EML4: variants seen among roughly 807,000 people sequenced by gnomAD.
EML4 encodes echinoderm microtubule-associated protein-like 4.
EML4 carries 72 observed loss-of-function variants against 129.0 expected under a neutral mutation model. That is an observed-to-expected ratio of 0.56 (90% CI 0.46 to 0.68). The LOEUF (loss-of-function observed/expected upper bound fraction) is 0.68, where lower values mean the gene tolerates loss of function less well. Ranked by LOEUF, EML4 falls within the 30% of genes least tolerant of loss-of-function variation. The pLI is 0.00. For synonymous variants in EML4, 532 were observed against 405.0 expected (o/e 1.31, Z -3.77); for missense variants, 1,363 against 1,190.6 (o/e 1.14, Z -2.13).
At chr2:42,211,108 T>C (rs181234055) in intron 1 of EML4, among the ~76,000 whole-genome samples, 1 of 152,318 alleles carries the variant, frequency 6.6e-6, no homozygotes, top group Admixed American at 6.5e-5. Context: ...TAACATTGAT[T>C]GAAATACCTA....
At chr2:42,241,136 G>A (rs184045362) in intron 1 of EML4, among the ~76,000 whole-genome samples, 90 of 151,824 alleles carry the variant, frequency 5.9e-4, no homozygotes, top group Admixed American at 6.6e-5. Flanking sequence ...CAGCCTGGTC[G>A]ACAGAGTGAG....
Position 42,302,882 on chromosome 2 carries a change from C to T in EML4, c.1642-222C>T, listed in dbSNP as rs143372828. Among the ~76,000 whole-genome samples, 9 of 152,020 alleles carry T rather than the reference C, an allele frequency of 5.9e-5. No individual in the cohort carries two copies. In the East Asian group the frequency reaches 7.7e-4, roughly 13 times the overall value. On this transcript the variant is annotated intron_variant, in intron 14 of 22. Coordinates refer to ENST00000318522, the MANE Select transcript of EML4 (RefSeq NM_019063.5). ...AACTCCTAAAGTCATATAAAATATA[C>T]GTTTAAAATTAACTGAAGCAAAGAA...
intron 1 of EML4, among the ~76,000 whole-genome samples, chr2:42,203,028 C>CTAA (rs1156945685): frequency 2.6e-5 from 4 of 151,790 alleles, no homozygotes; most frequent in African/African-American, 7.3e-5. Context: ...GACCCTAACT[C>CTAA]TAATAATAAT....
In EML4 at chr2:42,330,181, CA is replaced by C. The variant is rs768907828; in HGVS notation, c.2921del (p.Gln974ArgfsTer23). The C allele has an allele frequency of 6.2e-7, 1 of 1,612,664 alleles. No individual in the cohort carries two copies. The part of the protein sequence containing the change: ...EQAKATLLED[Q>X]QDPSPSS ...GGCCAAAGCCACCCTTCTGGAGGAC[CA>C]GCAAGACCCTTCGCCCTCGTCCTAA... On this transcript the variant is annotated frameshift_variant, in exon 23 of 23. Transcript: ENST00000318522. LOFTEE classifies it high-confidence loss of function.
rs1368431136 is a variant in EML4, at chr2:42,303,125, A to C, written c.1663A>C (p.Ile555Leu). The change falls in exon 15 of 23, where the codon ATC becomes CTC. Residue 555 changes from isoleucine to leucine, a missense_variant. Ile to Leu is a conservative substitution (Grantham distance 5). Transcript: ENST00000318522. ...EIEVPDQYGT[I>L]RAVAEGKADQ... is the part of the protein sequence containing the mutation. ...CTAGGTTCCTGATCAGTATGGCACA[A>C]TCAGAGCTGTAGCAGAAGGAAAGGC... 1 of 1,614,150 alleles carries C rather than the reference A, an allele frequency of 6.2e-7. No homozygotes were observed.
At chr2:42,275,829 G>C (rs1666627386) in intron 6 of EML4, among the ~76,000 whole-genome samples, 1 of 152,040 alleles carries the variant, frequency 6.6e-6, no homozygotes, top group Non-Finnish European at 1.5e-5. Context: ...ACCTCATACT[G>C]TGTTTAACTA....
Position 42,263,311 on chromosome 2 carries a change from G to C in EML4, c.641+5G>C, listed in dbSNP as rs1665848298. ...AGTTACCAAAACTGCAGACAAGTAA[G>C]TATTGCACTTTCTTCATTATATCTG... On this transcript the variant is annotated splice_donor_5th_base_variant and intron_variant, in intron 5 of 22. Coordinates refer to ENST00000318522, the MANE Select transcript of EML4 (RefSeq NM_019063.5). 6.5e-7 allele frequency: 1 copy of C among 1,534,702 alleles called. No individual in the cohort carries two copies. Among genetic ancestry groups the C allele is most frequent in the Non-Finnish European group, 8.8e-7 (1 of 1,131,190 alleles).
intron 1 of EML4, among the ~76,000 whole-genome samples, chr2:42,211,313 G>T (rs1672873220): frequency 1.3e-5 from 2 of 152,186 alleles, no homozygotes; most frequent in Non-Finnish European, 2.9e-5. Flanking sequence ...GAAAGGAAGG[G>T]TTCTGTGTTG....
At chr2:42,230,067 A>G (rs1029581077) in intron 1 of EML4, among the ~76,000 whole-genome samples, 1 of 152,148 alleles carries the variant, frequency 6.6e-6, no homozygotes, top group Admixed American at 6.6e-5. Context: ...CTTCTAATAA[A>G]GGGGGTTCTT....
chr2:42,260,413 G>A (rs1224399515), intron 3 of EML4, among the ~76,000 whole-genome samples: 3 of 151,580 alleles, frequency 2.0e-5, no homozygotes, highest in Non-Finnish European at 4.4e-5. Flanking sequence ...GGTGATACTT[G>A]CCTCGCCCTC....
In EML4 at chr2:42,328,881, C is replaced by G. The variant is rs1398196714; in HGVS notation, c.2342-5C>G. The G allele has an allele frequency of 1.3e-6, 2 of 1,592,358 alleles. No individual in the cohort carries two copies. Among genetic ancestry groups the G allele is most frequent in the East Asian group, 2.3e-5 (1 of 44,426 alleles). The stretch of plus-strand genomic sequence containing the variant: ...TTTCTGCATCCCTGTGTTTCCATAT[C>G]AAAGGTGTCTGGCCAGAAGGATCTG... On this transcript the variant is annotated splice_region_variant and splice_polypyrimidine_tract_variant and intron_variant, in intron 21 of 22. Transcript: ENST00000318522.
At chr2:42,322,438 T>A (rs999390833) in intron 19 of EML4, among the ~76,000 whole-genome samples, 3 of 152,152 alleles carry the variant, frequency 2.0e-5, no homozygotes, top group Non-Finnish European at 4.4e-5. Flanking sequence ...ATTGAGACCT[T>A]GGTTGCTTGG....
chr2:42,299,537 T>C (rs535192030), intron 13 of EML4, among the ~76,000 whole-genome samples: 1 of 152,320 alleles, frequency 6.6e-6, no homozygotes, highest in Non-Finnish European at 1.5e-5. Context: ...AGTAGTCACT[T>C]TCTATTTCTC....
intron 1 of EML4, among the ~76,000 whole-genome samples, chr2:42,192,303 C>G (rs1671641624): frequency 6.7e-6 from 1 of 148,634 alleles, no homozygotes; most frequent in Admixed American, 6.8e-5. Context: ...GTGGCACAAT[C>G]TTGGTGCTTA....
chr2:42,295,315 T>C, intron 12 of EML4, 56 bp downstream of exon 12: 6 of 1,594,966 alleles, frequency 3.8e-6, no homozygotes, highest in Non-Finnish European at 5.1e-6. Flanking sequence ...ATTTTTTTAA[T>C]TGTTTAATAA....
At chr2:42,287,286 A>C (rs914965453) in intron 10 of EML4, among the ~76,000 whole-genome samples, 27 of 152,176 alleles carry the variant, frequency 1.8e-4, no homozygotes, top group African/African-American at 6.5e-4. Context: ...AATTGGGAGA[A>C]GGACATTTAG....
intron 1 of EML4, among the ~76,000 whole-genome samples, chr2:42,196,010 A>G (rs1671876362): frequency 6.6e-6 from 1 of 152,186 alleles, no homozygotes; most frequent in African/African-American, 2.4e-5. Flanking sequence ...TCTATACTAT[A>G]CATTGACCAG....
intron 3 of EML4, among the ~76,000 whole-genome samples, chr2:42,258,011 G>A (rs185219572): frequency 5.9e-5 from 9 of 152,236 alleles, no homozygotes; most frequent in African/African-American, 9.6e-5. Flanking sequence ...ATAAATTTCC[G>A]TGTTGTATCC....
chr2:42,216,578 C>G (rs1673207346), intron 1 of EML4, among the ~76,000 whole-genome samples: 1 of 152,150 alleles, frequency 6.6e-6, no homozygotes, highest in African/African-American at 2.4e-5. Flanking sequence ...CATCCACAAT[C>G]CTAGTATGAG....
Sources: gnomAD v4.1 joint callset for allele counts (sites outside exome capture counted in the v4.1 genomes callset) on GRCh38, gnomAD v4.1.1 for gene constraint, MANE v1.5 for transcripts, NCBI Gene and HGNC (gene_info 2026-07-23, HGNC 2026-07-21) for gene names.